PLXDC2: variants seen among roughly 807,000 people sequenced by gnomAD.
PLXDC2 encodes plexin domain containing 2, also known as plexin domain-containing protein 2.
A neutral mutation model predicts 68.9 loss-of-function variants in PLXDC2; 40 were observed. That is an observed-to-expected ratio of 0.58 (90% CI 0.45 to 0.76). PLXDC2 has a LOEUF of 0.76. Ranked by LOEUF, PLXDC2 falls within the 30% of genes least tolerant of loss-of-function variation. The pLI, the probability that PLXDC2 is intolerant of heterozygous loss-of-function variation, is 0.00. For missense variants in PLXDC2, 644 were observed against 661.9 expected (o/e 0.97, Z 0.30); for synonymous variants, 243 against 234.2 (o/e 1.04, Z -0.34).
At chr10:20,002,091 T>C in intron 2 of PLXDC2, 105 bp downstream of exon 2, 1 of 1,146,162 alleles carries the variant, frequency 8.7e-7, no homozygotes, top group Non-Finnish European at 1.2e-6. Flanking sequence ...AATCTAGAAA[T>C]TTTGGATTTC....
chr10:20,017,618 C>T (rs1241352732), intron 2 of PLXDC2, among the ~76,000 whole-genome samples: 4 of 152,188 alleles, frequency 2.6e-5, no homozygotes, highest in Non-Finnish European at 4.4e-5. Flanking sequence ...CAGAATTCAT[C>T]CGAACAAATA....
chr10:20,022,613 A>G (rs1428021657), intron 2 of PLXDC2, among the ~76,000 whole-genome samples: 2 of 151,956 alleles, frequency 1.3e-5, no homozygotes, highest in Admixed American at 6.6e-5. Flanking sequence ...GATTAGAAAT[A>G]TGTGAACAAA....
intron 12 of PLXDC2, among the ~76,000 whole-genome samples, chr10:20,232,574 A>G (rs545727636): frequency 4.7e-4 from 72 of 152,374 alleles, no homozygotes; most frequent in Non-Finnish European, 9.4e-4. Flanking sequence ...GATACATGCA[A>G]TAAAACAGAT....
At chr10:20,274,521 A>C (rs997470878) in intron 13 of PLXDC2, among the ~76,000 whole-genome samples, 1 of 152,168 alleles carries the variant, frequency 6.6e-6, no homozygotes, top group Non-Finnish European at 1.5e-5. Context: ...GGGAGACTAG[A>C]GATGAGCTGA....
chr10:20,095,614 C>CA (rs967002100), intron 4 of PLXDC2, among the ~76,000 whole-genome samples: 7 of 151,780 alleles, frequency 4.6e-5, no homozygotes, highest in Middle Eastern at 3.4e-3. Context: ...TAGTTCGTGG[C>CA]AAAAAAAGTG....
chr10:19,975,350 C>G (rs1382754117), intron 1 of PLXDC2, among the ~76,000 whole-genome samples: 1 of 151,876 alleles, frequency 6.6e-6, no homozygotes, highest in Admixed American at 6.6e-5. Context: ...CCCAGCTACT[C>G]GGGAGGCCGA....
At chr10:20,059,395 A>C (rs759188668) in intron 3 of PLXDC2, among the ~76,000 whole-genome samples, 1 of 152,210 alleles carries the variant, frequency 6.6e-6, no homozygotes, top group Non-Finnish European at 1.5e-5. Flanking sequence ...GCAGTGAGAG[A>C]GGTCAAAAGA....
In PLXDC2 at chr10:20,286,099, A is replaced by C. The variant is rs1836149681; in HGVS notation, c.*6280A>C. The stretch of plus-strand genomic sequence containing the variant: ...GGAGTCAGTTTTTCATAACAAGTTT[A>C]TGGAATACATCATCATTGGCTTCTT... On this transcript the variant is annotated 3_prime_UTR_variant, in exon 14 of 14. Transcript: ENST00000377252. The C allele has an allele frequency of 6.6e-6, 1 of 152,184 alleles. No homozygotes were observed. The highest frequency in any genetic ancestry group is 1.5e-5 in the Non-Finnish European group (1 of 68,030). 9.4% of individuals were successfully genotyped at this position (152,184 alleles called of 1,614,324 possible). A position where few individuals can be genotyped will look rare whatever the true frequency, so the allele number is the denominator to read the frequency against.
chr10:19,987,519 C>G (rs980043152), intron 1 of PLXDC2, among the ~76,000 whole-genome samples: 5 of 151,352 alleles, frequency 3.3e-5, no homozygotes, highest in Non-Finnish European at 7.4e-5. Flanking sequence ...TTTTTTTACT[C>G]TAGGTTGATT....
chr10:20,273,746 A>G (rs771751928), intron 13 of PLXDC2, among the ~76,000 whole-genome samples: 10 of 152,182 alleles, frequency 6.6e-5, no homozygotes, highest in Admixed American at 2.0e-4. Context: ...GCCAGGTGCA[A>G]TGGCTCACGC....
chr10:20,109,755 A>G (rs1833534987), intron 4 of PLXDC2, among the ~76,000 whole-genome samples: 1 of 152,182 alleles, frequency 6.6e-6, no homozygotes, highest in African/African-American at 2.4e-5. Context: ...TTAGAACTCG[A>G]ATGACTTAAC....
rs553214972 is a variant in PLXDC2 at position 20,266,984 on chromosome 10, C to T, written c.1474-12719C>T. ...GCAGAGAACTTAAGGAAACATCAAA[C>T]GAAGTCATTTATAACTTTTTGCATT... is the stretch of plus-strand genomic sequence containing the variant. On this transcript the variant is annotated intron_variant, in intron 13 of 13. Transcript: ENST00000377252. Among the ~76,000 whole-genome samples, 23 of 152,212 alleles carry T rather than the reference C, an allele frequency of 1.5e-4. No individual in the cohort carries two copies. In the South Asian group the frequency reaches 4.3e-3, roughly 29 times the overall value.
At position 20,288,566 on chromosome 10, in the gene PLXDC2, A is replaced by G. The variant is rs1836189841; in HGVS notation, c.*8747A>G. 6.6e-6 allele frequency: 1 copy of G among 152,146 alleles called. No individual in the cohort carries two copies. The highest frequency in any genetic ancestry group is 1.5e-5 in the Non-Finnish European group (1 of 68,030). The allele number at this position is 152,146 out of a possible 1,614,324, so 9.4% of individuals were successfully genotyped here. A position where few individuals can be genotyped will look rare whatever the true frequency, so the allele number is the denominator to read the frequency against. On this transcript the variant is annotated 3_prime_UTR_variant, in exon 14 of 14. Transcript: ENST00000377252. ...AAATTCAATAATTCAGAGATGCTAC[A>G]TACTTCTGCAAGCTTCCTGATTATG...
intron 4 of PLXDC2, among the ~76,000 whole-genome samples, chr10:20,131,680 G>A (rs146124412): frequency 2.6e-3 from 389 of 152,202 alleles, no homozygotes; most frequent in African/African-American, 8.8e-3. Context: ...GATTACAGGC[G>A]TGAGCCACTG....
chr10:20,152,857 C>A (rs953532340), intron 6 of PLXDC2, among the ~76,000 whole-genome samples: 1 of 151,978 alleles, frequency 6.6e-6, no homozygotes, highest in Non-Finnish European at 1.5e-5. Flanking sequence ...TACAAAGTAC[C>A]AAAGTACTTT....
chr10:20,279,877 G>A lies in PLXDC2; in HGVS notation c.*58G>A, dbSNP rs1273221516. On this transcript the variant is annotated 3_prime_UTR_variant, in exon 14 of 14. Transcript: ENST00000377252. ...TTACAGGTGTTAAGACTAAAATTTT[G>A]CCTATACCTTTAAGACAAACAAACA... 1.4e-6 allele frequency: 2 copies of A among 1,425,816 alleles called. No individual in the cohort carries two copies. The highest frequency in any genetic ancestry group is 1.4e-5 in the African/African-American group (1 of 70,596). 88.3% of individuals were successfully genotyped at this position (1,425,816 alleles called of 1,614,324 possible).
chr10:20,093,817 G>A (rs1181915358), intron 4 of PLXDC2, among the ~76,000 whole-genome samples: 1 of 152,068 alleles, frequency 6.6e-6, no homozygotes, highest in Non-Finnish European at 1.5e-5. Context: ...GGGACCAAAG[G>A]TTAGCACCAC....
intron 12 of PLXDC2, among the ~76,000 whole-genome samples, chr10:20,225,631 G>A (rs1835276294): frequency 6.6e-6 from 1 of 152,050 alleles, no homozygotes; most frequent in African/African-American, 2.4e-5. Flanking sequence ...TGGAATTTAG[G>A]ATTTCTCTCC....
At chr10:20,035,910 T>A (rs1326696987) in intron 2 of PLXDC2, among the ~76,000 whole-genome samples, 1 of 152,148 alleles carries the variant, frequency 6.6e-6, no homozygotes, top group Non-Finnish European at 1.5e-5. Context: ...AATTTTTGCA[T>A]AATTCTTTTA....
Sources: gnomAD v4.1 joint callset for allele counts (sites outside exome capture counted in the v4.1 genomes callset) on GRCh38, gnomAD v4.1.1 for gene constraint, MANE v1.5 for transcripts, NCBI Gene and HGNC (gene_info 2026-07-23, HGNC 2026-07-21) for gene names.